The following IFNA5 variants were observed in gnomAD, a reference collection of about 807,000 sequenced individuals.
IFNA5 encodes the protein interferon alpha-5.
For synonymous variants in IFNA5, 95 were observed against 77.6 expected (o/e 1.22, Z -1.18); for missense variants, 267 against 213.8 (o/e 1.25, Z -1.55).
rs1254289129 is a variant in IFNA5 at position 21,304,340 on chromosome 9, A to T, written c.*347T>A. The T allele has an allele frequency of 1.3e-5, 2 of 152,450 alleles. No individual in the cohort carries two copies. The highest frequency in any genetic ancestry group is 4.8e-5 in the African/African-American group (2 of 41,452). 9.4% of individuals were successfully genotyped at this position (152,450 alleles called of 1,614,324 possible). A position where few individuals can be genotyped will look rare whatever the true frequency, so the allele number is the denominator to read the frequency against. On this transcript the variant is annotated 3_prime_UTR_variant, in exon 1 of 1. Coordinates refer to ENST00000610521, the MANE Select transcript of IFNA5 (RefSeq NM_002169.3). ...AATAATCAGTTGACAAAACATAAAG[A>T]ACATATTTTATTATATTAGCCACAA...
rs1017364628 is a variant in IFNA5, at chr9:21,304,367, G to C, written c.*320C>G. The stretch of plus-strand genomic sequence containing the variant: ...CATATTTTATTATATTAGCCACAAA[G>C]TAAAGGTGGATGTAATATTACCTGA... On this transcript the variant is annotated 3_prime_UTR_variant, in exon 1 of 1. Coordinates refer to ENST00000610521, the MANE Select transcript of IFNA5 (RefSeq NM_002169.3). The C allele has an allele frequency of 6.6e-6, 1 of 152,530 alleles. No individual in the cohort carries two copies. Among genetic ancestry groups the C allele is most frequent in the African/African-American group, 2.4e-5 (1 of 41,346 alleles). 9.4% of individuals were successfully genotyped at this position (152,530 alleles called of 1,614,324 possible).
Position 21,304,619 on chromosome 9 carries a change from C to A in IFNA5, c.*68G>T. 1.3e-6 allele frequency: 2 copies of A among 1,493,146 alleles called. No individual in the cohort carries two copies. Among genetic ancestry groups the A allele is most frequent in the Non-Finnish European group, 1.8e-6 (2 of 1,105,304 alleles). 92.5% of individuals were successfully genotyped at this position (1,493,146 alleles called of 1,614,324 possible). The stretch of plus-strand genomic sequence containing the variant: ...ATATAGCAGAAATTAATATTTGAAA[C>A]GGCAGAACTCAAGAAGTGTGAAATG... On this transcript the variant is annotated 3_prime_UTR_variant, in exon 1 of 1. Transcript: ENST00000610521.
chr9:21,304,573 T>A lies in IFNA5; in HGVS notation c.*114A>T. 7.9e-7 allele frequency: 1 copy of A among 1,261,554 alleles called. No individual in the cohort carries two copies. Among genetic ancestry groups the A allele is most frequent in the Non-Finnish European group, 1.1e-6 (1 of 909,966 alleles). 78.1% of individuals were successfully genotyped at this position (1,261,554 alleles called of 1,614,324 possible). On this transcript the variant is annotated 3_prime_UTR_variant, in exon 1 of 1. Transcript: ENST00000610521. ...AACACGTGTGAAACGTTTGAAAATT[T>A]TGATTCAACTCAAGTCATGGATATA...
chr9:21,304,620 G>T lies in IFNA5; in HGVS notation c.*67C>A. 1 of 1,492,662 alleles carries T rather than the reference G, an allele frequency of 6.7e-7. No individual in the cohort carries two copies. 92.5% of individuals were successfully genotyped at this position (1,492,662 alleles called of 1,614,324 possible). A position where few individuals can be genotyped will look rare whatever the true frequency, so the allele number is the denominator to read the frequency against. ...TATAGCAGAAATTAATATTTGAAAC[G>T]GCAGAACTCAAGAAGTGTGAAATGG... On this transcript the variant is annotated 3_prime_UTR_variant, in exon 1 of 1. Transcript: ENST00000610521.
Position 21,304,570 on chromosome 9 carries a change from A to C in IFNA5, c.*117T>G. On this transcript the variant is annotated 3_prime_UTR_variant, in exon 1 of 1. Coordinates refer to ENST00000610521, the MANE Select transcript of IFNA5 (RefSeq NM_002169.3). Reference sequence around the variant, plus strand: ...CTTAACACGTGTGAAACGTTTGAAAATTTTGATTCAACTCAAGTCATGGAT... The same window carrying C: ...CTTAACACGTGTGAAACGTTTGAAACTTTTGATTCAACTCAAGTCATGGAT... The C allele has an allele frequency of 8.1e-7, 1 of 1,240,458 alleles. No individual in the cohort carries two copies. Among genetic ancestry groups the C allele is most frequent in the South Asian group, 1.5e-5 (1 of 65,032 alleles). 76.8% of individuals were successfully genotyped at this position (1,240,458 alleles called of 1,614,324 possible).
chr9:21,304,910 A>G lies in IFNA5; in HGVS notation c.347T>C (p.Leu116Pro). ...CATCATACAGGCTTCCAGGTCATTC[A>G]GCTGCTGGTAAAGTTCAGTGTAGAA... Reference protein sequence around the residue: ...DKFYTELYQQLNDLEACMMQE... With the variant: ...DKFYTELYQQPNDLEACMMQE... Residue 116 changes from leucine to proline, a missense_variant, in exon 1 of 1, where the codon CTG becomes CCG. Transcript: ENST00000610521. 2.5e-6 allele frequency: 4 copies of G among 1,614,192 alleles called. No homozygotes were observed. The highest frequency in any genetic ancestry group is 2.5e-6 in the Non-Finnish European group (3 of 1,180,040).
rs1372807951 is a variant in IFNA5 at position 21,305,252 on chromosome 9, G to T, written c.5C>A (p.Ala2Asp). 2 of 1,587,656 alleles carry T rather than the reference G, an allele frequency of 1.3e-6. No individual in the cohort carries two copies. The highest frequency in any genetic ancestry group is 1.7e-6 in the Non-Finnish European group (2 of 1,169,190). The part of the protein sequence containing the change: M[A>D]LPFVLLMALV... ...GGCCATCAGTAAAACAAAGGGCAAGGCCATTGGGGAGGTTGCAGATGCTTC... is the reference window on the plus strand; with the variant it reads ...GGCCATCAGTAAAACAAAGGGCAAGTCCATTGGGGAGGTTGCAGATGCTTC... The change falls in exon 1 of 1, where the codon GCC becomes GAC. Residue 2 changes from alanine to aspartate, a missense_variant. Ala to Asp is a moderately radical substitution (Grantham distance 126). Coordinates refer to ENST00000610521, the MANE Select transcript of IFNA5 (RefSeq NM_002169.3).
At position 21,304,577 on chromosome 9, in the gene IFNA5, T is replaced by C. The variant is rs1819811327; in HGVS notation, c.*110A>G. ...CGTGTGAAACGTTTGAAAATTTTGA[T>C]TCAACTCAAGTCATGGATATAGCAG... On this transcript the variant is annotated 3_prime_UTR_variant, in exon 1 of 1. Transcript: ENST00000610521. 2.3e-6 allele frequency: 3 copies of C among 1,302,582 alleles called. No individual in the cohort carries two copies. The highest frequency in any genetic ancestry group is 2.3e-5 in the Admixed American group (1 of 42,736). The allele number at this position is 1,302,582 out of a possible 1,614,324, so 80.7% of individuals were successfully genotyped here.
In IFNA5 at chr9:21,304,691, T is replaced by C; in HGVS notation, c.566A>G (p.Glu189Gly). 6.2e-7 allele frequency: 1 copy of C among 1,610,716 alleles called. No individual in the cohort carries two copies. The highest frequency in any genetic ancestry group is 8.5e-7 in the Non-Finnish European group (1 of 1,179,184). ...ANLQERLRRK[E>G] The stretch of plus-strand genomic sequence containing the variant: ...ATTTCGATGTTGAACCAGTTTTCAT[T>C]CCTTCCTCCTTAATCTTTCTTGCAA... Residue 189 changes from glutamate to glycine, a missense_variant, in exon 1 of 1, where the codon GAA becomes GGA. By Grantham distance (98) the Glu-to-Gly change is moderately conservative. Coordinates refer to ENST00000610521, the MANE Select transcript of IFNA5 (RefSeq NM_002169.3).
In IFNA5 at chr9:21,304,612, T is replaced by C; in HGVS notation, c.*75A>G. 4.7e-6 allele frequency: 7 copies of C among 1,479,226 alleles called. No homozygotes were observed. Among genetic ancestry groups the C allele is most frequent in the Admixed American group, 2.2e-5 (1 of 45,432 alleles). The allele number at this position is 1,479,226 out of a possible 1,614,324, so 91.6% of individuals were successfully genotyped here. ...GTCATGGATATAGCAGAAATTAATA[T>C]TTGAAACGGCAGAACTCAAGAAGTG... On this transcript the variant is annotated 3_prime_UTR_variant, in exon 1 of 1. Coordinates refer to ENST00000610521, the MANE Select transcript of IFNA5 (RefSeq NM_002169.3).
At position 21,304,789 on chromosome 9, in the gene IFNA5, C is replaced by G. The variant is rs746582961; in HGVS notation, c.468G>C (p.Glu156Asp). ...CCCATGCACAAGGGCTGTATTTCTT[C>G]TCTGTCAGATAGAGGGTGATTCTTT... ...YFQRITLYLT[E>D]KKYSPCAWEV... The change falls in exon 1 of 1, where the codon GAG becomes GAC. Residue 156 changes from glutamate to aspartate, a missense_variant. Physicochemically the swap from Glu to Asp is conservative, Grantham distance 45. Coordinates refer to ENST00000610521, the MANE Select transcript of IFNA5 (RefSeq NM_002169.3). 4.3e-6 allele frequency: 7 copies of G among 1,614,074 alleles called. No homozygotes were observed. In the African/African-American group the frequency reaches 8.0e-5, roughly 18 times the overall value.
chr9:21,304,506 C>G lies in IFNA5; in HGVS notation c.*181G>C. 1 of 555,218 alleles carries G rather than the reference C, an allele frequency of 1.8e-6. No homozygotes were observed. Among genetic ancestry groups the G allele is most frequent in the Admixed American group, 3.5e-5 (1 of 28,614 alleles). 34.4% of individuals were successfully genotyped at this position (555,218 alleles called of 1,614,324 possible). ...AGAATAGATAGATTGGCATGATCAT[C>G]TGTAAAGATTTTGTCCCTGTGGAGC... is the stretch of plus-strand genomic sequence containing the variant. On this transcript the variant is annotated 3_prime_UTR_variant, in exon 1 of 1. Coordinates refer to ENST00000610521, the MANE Select transcript of IFNA5 (RefSeq NM_002169.3).
At position 21,304,795 on chromosome 9, in the gene IFNA5, C is replaced by G. The variant is rs764554251; in HGVS notation, c.462G>C (p.Leu154=). ...RKYFQRITLY[L]TEKKYSPCAW... ...CACAAGGGCTGTATTTCTTCTCTGTCAGATAGAGGGTGATTCTTTGAAAGT... is the reference window on the plus strand; with the variant it reads ...CACAAGGGCTGTATTTCTTCTCTGTGAGATAGAGGGTGATTCTTTGAAAGT... Residue 154 remains leucine (L), a synonymous_variant, in exon 1 of 1, where the codon CTG becomes CTC. Coordinates refer to ENST00000610521, the MANE Select transcript of IFNA5 (RefSeq NM_002169.3). The G allele has an allele frequency of 6.2e-7, 1 of 1,614,156 alleles. No homozygotes were observed. The highest frequency in any genetic ancestry group is 1.7e-5 in the Admixed American group (1 of 60,024).
In IFNA5 at chr9:21,304,940, T is replaced by C. The variant is rs1258651969; in HGVS notation, c.317A>G (p.Asp106Gly). The change falls in exon 1 of 1, where the codon GAC becomes GGC. Residue 106 changes from aspartate (D) to glycine (G), a missense_variant. Physicochemically the swap from Asp to Gly is moderately conservative, Grantham distance 94. Coordinates refer to ENST00000610521, the MANE Select transcript of IFNA5 (RefSeq NM_002169.3). ...CTGGTAAAGTTCAGTGTAGAATTTG[T>C]CTAGAAGTGTCTCATCCCAAGTAGC... ...SSATWDETLLDKFYTELYQQL... is the reference protein window; with the variant it reads ...SSATWDETLLGKFYTELYQQL... 6.2e-7 allele frequency: 1 copy of C among 1,614,186 alleles called. No individual in the cohort carries two copies. Among genetic ancestry groups the C allele is most frequent in the Non-Finnish European group, 8.5e-7 (1 of 1,180,030 alleles).
chr9:21,304,793 G>A lies in IFNA5; in HGVS notation c.464C>T (p.Thr155Ile), dbSNP rs763501265. 1 of 1,614,168 alleles carries A rather than the reference G, an allele frequency of 6.2e-7. No homozygotes were observed. The highest frequency in any genetic ancestry group is 1.1e-5 in the South Asian group (1 of 91,076). ...TGCACAAGGGCTGTATTTCTTCTCT[G>A]TCAGATAGAGGGTGATTCTTTGAAA... ...KYFQRITLYL[T>I]EKKYSPCAWE... Residue 155 changes from threonine (T) to isoleucine (I), a missense_variant, in exon 1 of 1, where the codon ACA becomes ATA. Physicochemically the swap from Thr to Ile is moderately conservative, Grantham distance 89. Coordinates refer to ENST00000610521, the MANE Select transcript of IFNA5 (RefSeq NM_002169.3).
Position 21,305,287 on chromosome 9 carries a change from G to C in IFNA5, c.-31C>G. 1 of 1,530,824 alleles carries C rather than the reference G, an allele frequency of 6.5e-7. No homozygotes were observed. The highest frequency in any genetic ancestry group is 8.8e-7 in the Non-Finnish European group (1 of 1,137,472). 94.8% of individuals were successfully genotyped at this position (1,530,824 alleles called of 1,614,324 possible). A position where few individuals can be genotyped will look rare whatever the true frequency, so the allele number is the denominator to read the frequency against. ...AGGTTGCAGATGCTTCTGGGCTGTT[G>C]AGATTGAGTGACCCTGAACCTTGGG... On this transcript the variant is annotated 5_prime_UTR_variant, in exon 1 of 1. Transcript: ENST00000610521.
At position 21,304,681 on chromosome 9, in the gene IFNA5, C is replaced by A. The variant is rs140942044; in HGVS notation, c.*6G>T. On this transcript the variant is annotated 3_prime_UTR_variant, in exon 1 of 1. Transcript: ENST00000610521. ...AATGAGAATCATTTCGATGTTGAAC[C>A]AGTTTTCATTCCTTCCTCCTTAATC... 1.4e-5 allele frequency: 22 copies of A among 1,607,018 alleles called. No individual in the cohort carries two copies. The highest frequency in any genetic ancestry group is 1.9e-5 in the Non-Finnish European group (22 of 1,177,766).
Position 21,304,525 on chromosome 9 carries a change from G to A in IFNA5, c.*162C>T, listed in dbSNP as rs1819810300. 1.4e-6 allele frequency: 1 copy of A among 695,234 alleles called. No individual in the cohort carries two copies. Among genetic ancestry groups the A allele is most frequent in the African/African-American group, 1.8e-5 (1 of 55,372 alleles). The allele number at this position is 695,234 out of a possible 1,614,324, so 43.1% of individuals were successfully genotyped here. ...GATCATCTGTAAAGATTTTGTCCCT[G>A]TGGAGCTAAAGAAGTGTTGCTTAAC... On this transcript the variant is annotated 3_prime_UTR_variant, in exon 1 of 1. Transcript: ENST00000610521.
rs768904319 is a variant in IFNA5, at chr9:21,305,178, G to A, written c.79C>T (p.Pro27Ser). ...CTGTTACTCAGGCTGTGGGTCTGAG[G>A]CAGATCACAGCCCAGAGAACAGATT... ...KSICSLGCDL[P>S]QTHSLSNRRT... The change falls in exon 1 of 1, where the codon CCT (proline) becomes TCT (serine). Residue 27 changes from proline (P) to serine (S), a missense_variant. Coordinates refer to ENST00000610521, the MANE Select transcript of IFNA5 (RefSeq NM_002169.3). 1.3e-5 allele frequency: 21 copies of A among 1,613,542 alleles called. No homozygotes were observed. In the South Asian group the frequency reaches 2.2e-4, roughly 17 times the overall value.
Sources: allele counts gnomAD v4.1 joint callset, GRCh38; gene constraint gnomAD v4.1.1; transcripts MANE v1.5; gene names NCBI Gene and HGNC (gene_info 2026-07-23, HGNC 2026-07-21).